MAST4: variants seen among roughly 807,000 people sequenced by gnomAD.
MAST4 encodes microtubule-associated serine/threonine-protein kinase 4.
Under a neutral mutation model 162.7 loss-of-function variants are expected in MAST4, and 89 were observed. The ratio of observed to expected loss-of-function variants is 0.55; its 90% CI spans 0.46 to 0.65. The LOEUF is 0.65. MAST4 is among the 30% of genes least tolerant of loss of function. The pLI, the probability that MAST4 is intolerant of heterozygous loss-of-function variation, is 0.00. For missense variants in MAST4, 3,153 were observed against 3,374.0 expected (o/e 0.93, Z 1.62); for synonymous variants, 1,479 against 1,361.1 (o/e 1.09, Z -1.91).
chr5:67,163,686 C>A lies in MAST4; in HGVS notation c.4507C>A (p.Arg1503=). ...CGACGTGCCGCCGCTCAGCCGCGCC[C>A]GGCCAGTGGAGCAAGGCTGCCTGAA... ...VCDVPPLSRA[R]PVEQGCLKRP... Residue 1503 remains arginine (R), a synonymous_variant, in exon 29 of 29, where the codon CGG becomes AGG. Transcript: ENST00000403625. This position sits in a 1 kb window ranked among gnomAD's most constrained non-coding sequence, Gnocchi z 7.0. 2 of 1,609,050 alleles carry A rather than the reference C, an allele frequency of 1.2e-6. No individual in the cohort carries two copies. The highest frequency in any genetic ancestry group is 1.7e-6 in the Non-Finnish European group (2 of 1,178,246).
In MAST4 at chr5:66,684,969, A is replaced by G. The variant is rs111835244; in HGVS notation, c.364-74740A>G. ...TGGGGTTGGGCATGAGTATTTATAA[A>G]AAGAATAGCTGGCCAGGTGGGGTGG... On this transcript the variant is annotated intron_variant, in intron 1 of 28. Transcript: ENST00000403625. Among the ~76,000 whole-genome samples the G allele has an allele frequency of 9.4e-3, 1,437 of 152,298 alleles. 23 individuals are homozygous for G. Among genetic ancestry groups the G allele is most frequent in the African/African-American group, 0.033 (1,374 of 41,536 alleles).
intron 4 of MAST4, among the ~76,000 whole-genome samples, chr5:66,940,318 AG>A (rs983682871): frequency 3.9e-5 from 6 of 152,142 alleles, no homozygotes; most frequent in Non-Finnish European, 5.9e-5. Flanking sequence ...AGGTTGCCAC[AG>A]CAGTGGACTC....
At chr5:66,859,847 T>C (rs896388715) in intron 3 of MAST4, among the ~76,000 whole-genome samples, 2 of 152,206 alleles carry the variant, frequency 1.3e-5, no homozygotes, top group Non-Finnish European at 1.5e-5. Context: ...ATCCTAAAAG[T>C]TAGGCAGGCA....
chr5:66,797,271 G>A (rs1331765087), intron 3 of MAST4, among the ~76,000 whole-genome samples: 1 of 152,174 alleles, frequency 6.6e-6, no homozygotes, highest in Non-Finnish European at 1.5e-5. Context: ...AGCATTTCCT[G>A]TCTTGGGAAA....
chr5:66,755,331 T>C (rs915485278), intron 1 of MAST4, among the ~76,000 whole-genome samples: 1 of 152,224 alleles, frequency 6.6e-6, no homozygotes, highest in Non-Finnish European at 1.5e-5. Flanking sequence ...GAAAAAGCTT[T>C]CTCTTTCTGC....
intron 5 of MAST4, among the ~76,000 whole-genome samples, chr5:67,066,086 A>G (rs1561601716): frequency 6.6e-6 from 1 of 152,098 alleles, no homozygotes; most frequent in South Asian, 2.1e-4. Flanking sequence ...AAAAACAGTC[A>G]TATAGTTTTA....
chr5:67,041,862 C>T (rs1404776114), intron 4 of MAST4, among the ~76,000 whole-genome samples: 2 of 152,216 alleles, frequency 1.3e-5, no homozygotes, highest in African/African-American at 4.8e-5. Context: ...CTCCTGACCT[C>T]AAGTGATCTG....
intron 5 of MAST4, among the ~76,000 whole-genome samples, chr5:67,056,400 G>C (rs1444902413): frequency 2.0e-5 from 3 of 152,130 alleles, no homozygotes; most frequent in Admixed American, 2.0e-4. Flanking sequence ...CTAAGTGAAT[G>C]ATGATTCTGT....
intron 2 of MAST4, among the ~76,000 whole-genome samples, chr5:66,762,576 G>T (rs184251785): frequency 7.2e-5 from 11 of 152,308 alleles, no homozygotes; most frequent in African/African-American, 2.6e-4. Context: ...GCACAGAGAA[G>T]ACAGCATCTT....
At chr5:66,816,113 A>C (rs1467513267) in intron 3 of MAST4, among the ~76,000 whole-genome samples, 1 of 152,238 alleles carries the variant, frequency 6.6e-6, no homozygotes, top group African/African-American at 2.4e-5. Flanking sequence ...AAAAGAGATT[A>C]AAAATATTAT....
At chr5:66,673,112 C>T (rs2149475277) in intron 1 of MAST4, among the ~76,000 whole-genome samples, 1 of 152,248 alleles carries the variant, frequency 6.6e-6, no homozygotes, top group Non-Finnish European at 1.5e-5. Context: ...CATTGCCTTT[C>T]ATATCCTTTG....
intron 1 of MAST4, among the ~76,000 whole-genome samples, chr5:66,613,956 C>T (rs1454633966): frequency 1.3e-5 from 2 of 152,128 alleles, no homozygotes; most frequent in African/African-American, 4.8e-5. Context: ...TCTGTGGCAG[C>T]GTGGCTGCTC....
At chr5:66,992,501 C>T (rs1215964928) in intron 4 of MAST4, among the ~76,000 whole-genome samples, 2 of 152,174 alleles carry the variant, frequency 1.3e-5, no homozygotes, top group Non-Finnish European at 2.9e-5. Flanking sequence ...ATCACCTATA[C>T]CTTGCACTTT....
At chr5:66,685,382 A>G (rs1748591544) in intron 1 of MAST4, among the ~76,000 whole-genome samples, 1 of 152,182 alleles carries the variant, frequency 6.6e-6, no homozygotes, top group African/African-American at 2.4e-5. Flanking sequence ...TTCACAGATA[A>G]TTTGGTGTAT....
At chr5:66,899,242 G>T (rs2149975458) in intron 3 of MAST4, among the ~76,000 whole-genome samples, 1 of 152,194 alleles carries the variant, frequency 6.6e-6, no homozygotes, top group East Asian at 1.9e-4. Flanking sequence ...TTCTTGGGTG[G>T]TTTTTTAGTT....
intron 5 of MAST4, among the ~76,000 whole-genome samples, chr5:67,071,115 A>G (rs190697433): frequency 6.6e-6 from 1 of 152,198 alleles, no homozygotes; most frequent in South Asian, 2.1e-4. Flanking sequence ...ATCATTGAAG[A>G]CTTTGATAAG....
intron 4 of MAST4, among the ~76,000 whole-genome samples, chr5:67,022,816 T>A (rs1754147999): frequency 6.6e-6 from 1 of 152,188 alleles, no homozygotes; most frequent in Non-Finnish European, 1.5e-5. Flanking sequence ...CTTCAATTGA[T>A]CTGATTTGTG....
chr5:66,869,094 T>G (rs1283409200), intron 3 of MAST4, among the ~76,000 whole-genome samples: 2 of 152,194 alleles, frequency 1.3e-5, no homozygotes, highest in South Asian at 2.1e-4. Context: ...GCTTTAGAAC[T>G]CTTAAATCAG....
chr5:66,836,394 C>G (rs1757971067), intron 3 of MAST4, among the ~76,000 whole-genome samples: 2 of 152,064 alleles, frequency 1.3e-5, no homozygotes, highest in African/African-American at 4.8e-5. Context: ...GGCAGTTTCT[C>G]TAAGAATTTA....
Sources: allele counts gnomAD v4.1 joint callset (sites outside exome capture counted in the v4.1 genomes callset), GRCh38; gene constraint gnomAD v4.1.1; non-coding constraint Gnocchi (gnomAD v3.1); transcripts MANE v1.5; gene names NCBI Gene and HGNC (gene_info 2026-07-23, HGNC 2026-07-21).